Variants in CACNB4 observed in about 807,000 individuals in gnomAD.
The protein encoded by CACNB4 is voltage-dependent L-type calcium channel subunit beta-4.
Under a neutral mutation model 71.2 loss-of-function variants are expected in CACNB4, and 32 were observed. That is an observed-to-expected ratio of 0.45 (90% CI 0.34 to 0.60). CACNB4 has a LOEUF of 0.60. Among genes scored for constraint, CACNB4 ranks in the 20% least tolerant of loss-of-function variants. CACNB4 has a pLI of 0.01. For missense variants in CACNB4, 464 were observed against 647.9 expected (o/e 0.72, Z 3.08); for synonymous variants, 231 against 236.9 (o/e 0.97, Z 0.23).
chr2:151,863,479 C>T (rs966070600), intron 9 of CACNB4, among the ~76,000 whole-genome samples: 5 of 152,120 alleles, frequency 3.3e-5, no homozygotes, highest in Non-Finnish European at 5.9e-5. Flanking sequence ...AGAGACAAGT[C>T]GGTGGGTTTA....
intron 2 of CACNB4, among the ~76,000 whole-genome samples, chr2:151,931,958 T>C (rs2099861742): frequency 6.6e-6 from 1 of 152,124 alleles, no homozygotes; most frequent in Non-Finnish European, 1.5e-5. Context: ...TATGACACAA[T>C]ACCATTTTCT....
At position 151,836,339 on chromosome 2, in the gene CACNB4, T is replaced by A. The variant is rs1335767948; in HGVS notation, c.*2780A>T. On this transcript the variant is annotated 3_prime_UTR_variant, in exon 14 of 14. Transcript: ENST00000539935. ...TAAATGAAATTAATTAAAAACAAAGTATGGAGTATGTATTTTTCAAAGGTG... is the reference window on the plus strand; with the variant it reads ...TAAATGAAATTAATTAAAAACAAAGAATGGAGTATGTATTTTTCAAAGGTG... 6.6e-6 allele frequency: 1 copy of A among 151,824 alleles called. No homozygotes were observed. The highest frequency in any genetic ancestry group is 2.4e-5 in the African/African-American group (1 of 41,414). 9.4% of individuals were successfully genotyped at this position (151,824 alleles called of 1,614,324 possible).
intron 12 of CACNB4, among the ~76,000 whole-genome samples, chr2:151,848,972 T>C (rs2099838326): frequency 1.3e-5 from 2 of 152,100 alleles, no homozygotes; most frequent in African/African-American, 4.8e-5. Flanking sequence ...TGTATAGATG[T>C]ATAATGGCAA....
At chr2:151,930,710 T>C (rs2099861426) in intron 2 of CACNB4, among the ~76,000 whole-genome samples, 1 of 152,158 alleles carries the variant, frequency 6.6e-6, no homozygotes, top group Admixed American at 6.6e-5. Context: ...TATTGTTTAC[T>C]GAAAAGGAAA....
At position 151,839,150 on chromosome 2, in the gene CACNB4, C is replaced by T; in HGVS notation, c.1532G>A (p.Gly511Glu). Residue 511 changes from glycine to glutamate, a missense_variant, in exon 14 of 14, where the codon GGA becomes GAA. Physicochemically the swap from Gly to Glu is moderately conservative, Grantham distance 98 (BLOSUM62 -2). Coordinates refer to ENST00000539935, the MANE Select transcript of CACNB4 (RefSeq NM_000726.5). ...CCTATGTCGGGAGTCATGGCTATAT[C>T]CCCCAGGTGATCCTCGGTTCCTATG... ...KPHRNRGSPGGYSHDSRHRL is the reference protein window; with the variant it reads ...KPHRNRGSPGEYSHDSRHRL The T allele has an allele frequency of 6.2e-7, 1 of 1,613,180 alleles. No homozygotes were observed. The highest frequency in any genetic ancestry group is 8.5e-7 in the Non-Finnish European group (1 of 1,179,288).
intron 13 of CACNB4, among the ~76,000 whole-genome samples, chr2:151,841,190 G>T (rs945119894): frequency 6.6e-6 from 1 of 152,140 alleles, no homozygotes; most frequent in Admixed American, 6.5e-5. Flanking sequence ...ACCTGGGTGC[G>T]GCAGGATTAA....
chr2:151,899,976 C>G (rs573701676), intron 2 of CACNB4, among the ~76,000 whole-genome samples: 5 of 152,132 alleles, frequency 3.3e-5, no homozygotes, highest in African/African-American at 1.2e-4. Context: ...AAATACAAAT[C>G]CAATCAGTGA....
intron 2 of CACNB4, among the ~76,000 whole-genome samples, chr2:151,922,884 G>A (rs2151577369): frequency 6.6e-6 from 1 of 152,316 alleles, no homozygotes; most frequent in South Asian, 2.1e-4. Flanking sequence ...AGTCAATACT[G>A]AGCGTTTGTT....
At chr2:151,932,744 C>T (rs1439391415) in intron 2 of CACNB4, among the ~76,000 whole-genome samples, 3 of 149,820 alleles carry the variant, frequency 2.0e-5, no homozygotes, top group Admixed American at 6.7e-5. Context: ...GCACAAGAAT[C>T]GCTTGAACCT....
At chr2:151,963,420 A>G (rs2099870176) in intron 2 of CACNB4, among the ~76,000 whole-genome samples, 1 of 151,692 alleles carries the variant, frequency 6.6e-6, no homozygotes, top group South Asian at 2.1e-4. Flanking sequence ...CAACTGTTTC[A>G]TCTTTGATAT....
At chr2:151,888,449 C>A (rs568233397) in intron 2 of CACNB4, among the ~76,000 whole-genome samples, 1 of 152,052 alleles carries the variant, frequency 6.6e-6, no homozygotes, top group Non-Finnish European at 1.5e-5. Context: ...TACTTATAGC[C>A]CCACTACTTG....
intron 13 of CACNB4, chr2:151,841,680 C>T (rs1227845276): frequency 2.1e-6 from 1 of 474,938 alleles, no homozygotes; most frequent in African/African-American, 2.0e-5. Context: ...AAGTAAAATC[C>T]ACTGTAAATT....
At chr2:151,932,244 A>G (rs1560019221) in intron 2 of CACNB4, among the ~76,000 whole-genome samples, 1 of 152,090 alleles carries the variant, frequency 6.6e-6, no homozygotes, top group Non-Finnish European at 1.5e-5. Context: ...AAATTATAAG[A>G]GTGGGGGAAC....
intron 2 of CACNB4, among the ~76,000 whole-genome samples, chr2:151,976,253 G>A (rs1214690884): frequency 6.6e-6 from 1 of 152,190 alleles, no homozygotes; most frequent in Non-Finnish European, 1.5e-5. Context: ...ATCATAAACT[G>A]TAAGAGGTGG....
chr2:151,865,604 C>T (rs2099842874), intron 9 of CACNB4, among the ~76,000 whole-genome samples: 1 of 152,170 alleles, frequency 6.6e-6, no homozygotes, highest in South Asian at 2.1e-4. Context: ...CAAACCTCAT[C>T]CAAATGGGTA....
chr2:151,837,253 C>T lies in CACNB4; in HGVS notation c.*1866G>A, dbSNP rs574152057. 3 of 152,002 alleles carry T rather than the reference C, an allele frequency of 2.0e-5. No individual in the cohort carries two copies. 9.4% of individuals were successfully genotyped at this position (152,002 alleles called of 1,614,324 possible). A position where few individuals can be genotyped will look rare whatever the true frequency, so the allele number is the denominator to read the frequency against. ...CTAAGCCCATATTTTTTAATTGTAT[C>T]AAATATTTGAAATGACTTACAGAAT... On this transcript the variant is annotated 3_prime_UTR_variant, in exon 14 of 14. Transcript: ENST00000539935.
At chr2:151,855,402 C>T (rs1208624444) in intron 10 of CACNB4, 27 bp from the exon 11 acceptor site, 3 of 1,524,450 alleles carry the variant, frequency 2.0e-6, no homozygotes, top group Admixed American at 3.5e-5. Flanking sequence ...TAAATAGATC[C>T]CGGTTATTGT....
At chr2:151,871,235 A>C (rs1277222975) in intron 6 of CACNB4, 1 of 199,412 alleles carries the variant, frequency 5.0e-6, no homozygotes, top group Non-Finnish European at 1.0e-5. Flanking sequence ...TCATAAAAGG[A>C]AACAGAATAA....
At chr2:152,077,379 C>A (rs1687090479) in intron 2 of CACNB4, among the ~76,000 whole-genome samples, 1 of 152,126 alleles carries the variant, frequency 6.6e-6, no homozygotes, top group South Asian at 2.1e-4. Context: ...ATGGTGAAAT[C>A]CCGTCTCTAC....
Sources: allele counts gnomAD v4.1 joint callset (sites outside exome capture counted in the v4.1 genomes callset), GRCh38; gene constraint gnomAD v4.1.1; transcripts MANE v1.5; gene names NCBI Gene and HGNC (gene_info 2026-07-23, HGNC 2026-07-21).